BMPR2: variants seen among roughly 807,000 people sequenced by gnomAD.
BMPR2 encodes bone morphogenetic protein receptor type 2, also known as bone morphogenetic protein receptor type-2.
Under a neutral mutation model 100.8 loss-of-function variants are expected in BMPR2, and 29 were observed. The observed-to-expected ratio is 0.29, with a 90% CI of 0.21 to 0.39. The LOEUF (loss-of-function observed/expected upper bound fraction) is 0.39, where lower values mean the gene tolerates loss of function less well. BMPR2 is among the 10% of genes least tolerant of loss of function. The probability of loss-of-function intolerance (pLI) is 1.00; values close to 1 mark genes in which losing one functional copy is unlikely to be tolerated. For synonymous variants in BMPR2, 382 were observed against 442.3 expected (o/e 0.86, Z 1.71); for missense variants, 1,011 against 1,274.5 (o/e 0.79, Z 3.15).
chr2:202,433,460 C>G (rs910289842), intron 1 of BMPR2, among the ~76,000 whole-genome samples: 2 of 150,626 alleles, frequency 1.3e-5, no homozygotes, highest in Non-Finnish European at 2.9e-5. Context: ...ATCAAAGCAA[C>G]ATGAATTCTA....
At position 202,432,904 on chromosome 2, in the gene BMPR2, A is replaced by G. The variant is rs887168479; in HGVS notation, c.77-31905A>G. ...TAACTAAAATGATAAAGGGATCCTCAGCTGTTAAATCTACTTTGTTGTTTT... is the reference window on the plus strand; with the variant it reads ...TAACTAAAATGATAAAGGGATCCTCGGCTGTTAAATCTACTTTGTTGTTTT... On this transcript the variant is annotated intron_variant, in intron 1 of 12. Transcript: ENST00000374580. Among the ~76,000 whole-genome samples, 10 of 150,510 alleles carry G rather than the reference A, an allele frequency of 6.6e-5. 2 individuals carry two copies. Among genetic ancestry groups the G allele is most frequent in the African/African-American group, 2.5e-4 (10 of 39,878 alleles).
At chr2:202,407,298 T>TAAACTCCTGACTTC (rs1559028730) in intron 1 of BMPR2, among the ~76,000 whole-genome samples, 1 of 151,736 alleles carries the variant, frequency 6.6e-6, no homozygotes, top group Non-Finnish European at 1.5e-5. Context: ...AGGCTGGTCT[T>TAAACTCCTGACTTC]AAACTCCTGA....
intron 10 of BMPR2, among the ~76,000 whole-genome samples, chr2:202,551,862 A>AT (rs35621004): frequency 0.11 from 14,396 of 130,370 alleles, 1,405 homozygotes; most frequent in East Asian, 0.51. Context: ...ATGCTGGCTA[A>AT]TTTTTTTTTT....
At chr2:202,466,919 A>C (rs1324483248) in intron 2 of BMPR2, 1 of 153,560 alleles carries the variant, frequency 6.5e-6, no homozygotes, top group African/African-American at 2.4e-5. Flanking sequence ...TAAACCTAAA[A>C]CAATATATTT....
At chr2:202,388,100 T>C (rs1328619778) in intron 1 of BMPR2, among the ~76,000 whole-genome samples, 3 of 152,092 alleles carry the variant, frequency 2.0e-5, no homozygotes, top group Non-Finnish European at 4.4e-5. Context: ...CAGCTGTTTC[T>C]TAAGAATCAT....
intron 3 of BMPR2, among the ~76,000 whole-genome samples, chr2:202,484,041 G>A (rs1392122161): frequency 6.6e-6 from 1 of 152,202 alleles, no homozygotes; most frequent in Non-Finnish European, 1.5e-5. Context: ...CTGCAGTGAG[G>A]TGTGACTGCA....
Position 202,377,357 on chromosome 2 carries a change from A to G in BMPR2, c.-118A>G. ...TCAGCCATTTGTCCTTTCAAACTGT[A>G]TTGTGATACGGGCAGGATCAGTCCA... On this transcript the variant is annotated 5_prime_UTR_variant, in exon 1 of 13. Transcript: ENST00000374580. 2 of 962,988 alleles carry G rather than the reference A, an allele frequency of 2.1e-6. No homozygotes were observed. Among genetic ancestry groups the G allele is most frequent in the Non-Finnish European group, 3.4e-6 (2 of 586,592 alleles). The allele number at this position is 962,988 out of a possible 1,614,324, so 59.7% of individuals were successfully genotyped here.
chr2:202,470,533 A>G (rs895501043), intron 3 of BMPR2, among the ~76,000 whole-genome samples: 35 of 152,070 alleles, frequency 2.3e-4, no homozygotes, highest in African/African-American at 7.7e-4. Context: ...AGGCCGAGGC[A>G]GCTGGATCAT....
chr2:202,490,980 G>A (rs1692889568), intron 3 of BMPR2, among the ~76,000 whole-genome samples: 1 of 151,972 alleles, frequency 6.6e-6, no homozygotes, highest in African/African-American at 2.4e-5. Flanking sequence ...GCCCAGGCTG[G>A]AGTGCAGTGG....
intron 1 of BMPR2, among the ~76,000 whole-genome samples, chr2:202,386,960 G>T (rs532846739): frequency 1.3e-5 from 2 of 152,288 alleles, no homozygotes; most frequent in African/African-American, 4.8e-5. Flanking sequence ...TAGGATTACA[G>T]GTGTGAGCCA....
Position 202,398,405 on chromosome 2 carries a change from A to G in BMPR2, c.76+20855A>G, listed in dbSNP as rs146947457. ...ACTGGCTTTTTTTTTAAAAAAAGCT[A>G]TATGTGAAGCAAATCGTGTGCTGTT... On this transcript the variant is annotated intron_variant, in intron 1 of 12. Coordinates refer to ENST00000374580, the MANE Select transcript of BMPR2 (RefSeq NM_001204.7). 2.6e-3 allele frequency among the ~76,000 whole-genome samples: 401 copies of G among 152,348 alleles called. 5 individuals are homozygous for G. Among genetic ancestry groups the G allele is most frequent in the African/African-American group, 9.2e-3 (381 of 41,596 alleles).
intron 1 of BMPR2, among the ~76,000 whole-genome samples, chr2:202,395,396 T>C (rs1690639483): frequency 6.6e-6 from 1 of 152,212 alleles, no homozygotes; most frequent in Non-Finnish European, 1.5e-5. Context: ...ATCAATTCTG[T>C]TTCCAAATTA....
At chr2:202,499,308 C>T (rs560754605) in intron 3 of BMPR2, among the ~76,000 whole-genome samples, 166 of 152,250 alleles carry the variant, frequency 1.1e-3, no homozygotes, top group Non-Finnish European at 1.9e-3. Context: ...GAAAAGAATG[C>T]GGCTTTAGCT....
chr2:202,486,880 A>G (rs1692789383), intron 3 of BMPR2, among the ~76,000 whole-genome samples: 1 of 151,988 alleles, frequency 6.6e-6, no homozygotes, highest in South Asian at 2.1e-4. Flanking sequence ...TTTTAAAAAA[A>G]TTAGCTGGGT....
intron 1 of BMPR2, among the ~76,000 whole-genome samples, chr2:202,392,720 C>G (rs1040304322): frequency 2.0e-5 from 3 of 151,418 alleles, no homozygotes; most frequent in Non-Finnish European, 4.4e-5. Flanking sequence ...TGGCCGGGCG[C>G]GGTGGCTCAC....
intron 1 of BMPR2, among the ~76,000 whole-genome samples, chr2:202,452,430 T>A (rs1249288049): frequency 1.3e-5 from 2 of 152,172 alleles, no homozygotes. Flanking sequence ...TTGTATGAGT[T>A]TTTGTGTGAT....
intron 3 of BMPR2, among the ~76,000 whole-genome samples, chr2:202,483,084 T>C (rs1692692413): frequency 6.6e-6 from 1 of 152,190 alleles, no homozygotes; most frequent in Non-Finnish European, 1.5e-5. Context: ...AGGTGGAATG[T>C]CATTGTGGTT....
At chr2:202,422,020 T>C (rs886459067) in intron 1 of BMPR2, among the ~76,000 whole-genome samples, 10 of 152,136 alleles carry the variant, frequency 6.6e-5, no homozygotes, top group African/African-American at 2.4e-4. Context: ...GCGGTTCTCC[T>C]GCCTCAGCCT....
intron 3 of BMPR2, among the ~76,000 whole-genome samples, chr2:202,485,166 A>T (rs956832821): frequency 6.6e-6 from 1 of 152,026 alleles, no homozygotes; most frequent in Non-Finnish European, 1.5e-5. Flanking sequence ...AATAATATAA[A>T]TGGTAATTAA....
Sources: gnomAD v4.1 joint callset for allele counts (sites outside exome capture counted in the v4.1 genomes callset) on GRCh38, gnomAD v4.1.1 for gene constraint, MANE v1.5 for transcripts, NCBI Gene and HGNC (gene_info 2026-07-23, HGNC 2026-07-21) for gene names.